CLASP2: variants seen among roughly 807,000 people sequenced by gnomAD.
CLASP2 encodes CLIP-associating protein 2.
Under a neutral mutation model 194.4 loss-of-function variants are expected in CLASP2, and 47 were observed. The ratio of observed to expected loss-of-function variants is 0.24; its 90% CI spans 0.19 to 0.31. The LOEUF is 0.31. Ranked by LOEUF, CLASP2 falls within the 10% of genes least tolerant of loss-of-function variation. CLASP2 has a pLI of 1.00. For missense variants in CLASP2, 1,445 were observed against 1,823.6 expected (o/e 0.79, Z 3.78); for synonymous variants, 619 against 633.5 (o/e 0.98, Z 0.34).
At chr3:33,557,702 A>T (rs929847733) in intron 29 of CLASP2, among the ~76,000 whole-genome samples, 1 of 152,256 alleles carries the variant, frequency 6.6e-6, no homozygotes. Context: ...AAAATGAGTT[A>T]AAAAATATCT....
intron 27 of CLASP2, among the ~76,000 whole-genome samples, chr3:33,561,282 GA>G (rs1474472190): frequency 6.6e-6 from 1 of 152,162 alleles, no homozygotes; most frequent in Non-Finnish European, 1.5e-5. Context: ...TGGGTAAAGT[GA>G]AATCTGTTTT....
intron 22 of CLASP2, among the ~76,000 whole-genome samples, chr3:33,584,515 C>G (rs899081368): frequency 1.3e-5 from 2 of 151,920 alleles, no homozygotes; most frequent in East Asian, 1.9e-4. Flanking sequence ...ATCCACCCCC[C>G]TCAGCCTCCC....
At chr3:33,626,960 G>C in intron 10 of CLASP2, 28 bp downstream of exon 10, 1 of 1,326,534 alleles carries the variant, frequency 7.5e-7, no homozygotes, top group Non-Finnish European at 1.1e-6. Flanking sequence ...AAAGAAAGAA[G>C]ATAAGAAAAT....
chr3:33,506,026 T>C (rs1305871306), intron 37 of CLASP2, among the ~76,000 whole-genome samples: 1 of 152,152 alleles, frequency 6.6e-6, no homozygotes, highest in Non-Finnish European at 1.5e-5. Flanking sequence ...CATTATCCTA[T>C]GTCCTGAAAG....
Position 33,619,227 on chromosome 3 carries a change from T to C in CLASP2, c.1317+376A>G, listed in dbSNP as rs577836947. ...CCACTGTTGTATATGCAGCCCACCA[T>C]TGACGGAAACTTTGTGAGGTGGCAC... On this transcript the variant is annotated intron_variant, in intron 12 of 38. Coordinates refer to ENST00000682230, the MANE Select transcript of CLASP2 (RefSeq NM_001365631.1). Among the ~76,000 whole-genome samples the C allele has an allele frequency of 1.1e-4, 17 of 152,228 alleles. 1 individual carries two copies. The highest frequency in any genetic ancestry group is 8.3e-4 in the South Asian group (4 of 4,830).
At chr3:33,651,045 G>A (rs373481467) in intron 7 of CLASP2, among the ~76,000 whole-genome samples, 1 of 152,040 alleles carries the variant, frequency 6.6e-6, no homozygotes, top group East Asian at 1.9e-4. Context: ...CTGATATGAG[G>A]CTATTTATGT....
At chr3:33,617,117 G>C (rs1195953244) in intron 12 of CLASP2, among the ~76,000 whole-genome samples, 3 of 149,830 alleles carry the variant, frequency 2.0e-5, no homozygotes, top group Non-Finnish European at 4.4e-5. Context: ...GGGAAAAAAG[G>C]ACCATTTTCG....
chr3:33,553,808 T>G (rs1458077377), intron 29 of CLASP2, among the ~76,000 whole-genome samples: 1 of 152,076 alleles, frequency 6.6e-6, no homozygotes, highest in African/African-American at 2.4e-5. Flanking sequence ...CCTCAAAAAA[T>G]TAAAAATAGA....
At chr3:33,594,745 A>G in intron 20 of CLASP2, among the ~76,000 whole-genome samples, 1 of 151,760 alleles carries the variant, frequency 6.6e-6, no homozygotes, top group South Asian at 2.1e-4. Flanking sequence ...CCAAAGTACA[A>G]AGCAAACCAG....
intron 6 of CLASP2, among the ~76,000 whole-genome samples, chr3:33,670,896 A>G: frequency 6.6e-6 from 1 of 152,196 alleles, no homozygotes; most frequent in East Asian, 1.9e-4. Flanking sequence ...AAAAAGAACC[A>G]TTTTGAAATA....
intron 22 of CLASP2, 146 bp downstream of exon 22, chr3:33,584,604 A>G: frequency 2.6e-6 from 2 of 762,392 alleles, no homozygotes; most frequent in East Asian, 2.9e-5. Context: ...CAACTCATAA[A>G]CTATTCTTCA....
chr3:33,532,872 T>G (rs1304179677), intron 34 of CLASP2, among the ~76,000 whole-genome samples: 1 of 152,154 alleles, frequency 6.6e-6, no homozygotes, highest in Non-Finnish European at 1.5e-5. Context: ...TTGATTTTGA[T>G]GAGTATTTTG....
At position 33,592,788 on chromosome 3, in the gene CLASP2, C is replaced by CTTGT. The variant is rs762788919; in HGVS notation, c.1967-296_1967-293dup. 123 of 366,982 alleles carry CTTGT rather than the reference C, an allele frequency of 3.4e-4. 2 individuals are homozygous for CTTGT. Among genetic ancestry groups the CTTGT allele is most frequent in the Non-Finnish European group, 1.5e-4 (30 of 196,948 alleles). 22.7% of individuals were successfully genotyped at this position (366,982 alleles called of 1,614,324 possible). On this transcript the variant is annotated intron_variant, in intron 20 of 38. Transcript: ENST00000682230. ...TAAGATAATCACCATAAGCATGTCA[C>CTTGT]TTGTTTCTCAATTGGTAGTTGCAAT...
At chr3:33,510,509 G>C (rs1389621148) in intron 37 of CLASP2, 49 bp downstream of exon 37, 1 of 1,547,328 alleles carries the variant, frequency 6.5e-7, no homozygotes, top group African/African-American at 1.4e-5. Flanking sequence ...TAAAATAACT[G>C]TATCCCAAAT....
intron 37 of CLASP2, chr3:33,505,329 C>T (rs908795499): frequency 1.3e-5 from 2 of 152,154 alleles, no homozygotes; most frequent in East Asian, 3.9e-4. Context: ...GCAAGCTACA[C>T]CACAAATATG....
chr3:33,652,302 C>T (rs9853831), intron 7 of CLASP2, among the ~76,000 whole-genome samples: 64,460 of 152,026 alleles, frequency 0.42, 13,939 homozygotes, highest in Admixed American at 0.52. Context: ...TTTTACACTT[C>T]TGCATATCCA....
rs2073912147 is a variant in CLASP2 at position 33,606,643 on chromosome 3, C to T, written c.1642G>A (p.Ala548Thr). ...QTYLKSSGSV[A>T]SLPQSDRSSS... ...GACCTGTCTGATTGTGGAAGAGATG[C>T]TACACTGCCAGAACTCTTTAAGTAA... Residue 548 changes from alanine (A) to threonine (T), a missense_variant, in exon 16 of 39, where the codon GCA (alanine) becomes ACA (threonine). Physicochemically the swap from Ala to Thr is moderately conservative, Grantham distance 58. This residue lies in a region of CLASP2 where 174 missense variants were observed against 179.0 expected (regional missense o/e 0.97). Coordinates refer to ENST00000682230, the MANE Select transcript of CLASP2 (RefSeq NM_001365631.1). 1 of 1,613,680 alleles carries T rather than the reference C, an allele frequency of 6.2e-7. No individual in the cohort carries two copies. Among genetic ancestry groups the T allele is most frequent in the African/African-American group, 1.3e-5 (1 of 75,026 alleles).
intron 32 of CLASP2, among the ~76,000 whole-genome samples, chr3:33,541,004 C>T (rs1223097341): frequency 6.6e-6 from 1 of 152,044 alleles, no homozygotes; most frequent in Non-Finnish European, 1.5e-5. Flanking sequence ...AACTCCTGAC[C>T]TCAAGTGATC....
At chr3:33,651,768 C>T (rs1174743858) in intron 7 of CLASP2, among the ~76,000 whole-genome samples, 3 of 151,116 alleles carry the variant, frequency 2.0e-5, no homozygotes, top group African/African-American at 7.3e-5. Flanking sequence ...CAAGCGATTC[C>T]ACTGCTTCAG....
Sources: allele counts gnomAD v4.1 joint callset (sites outside exome capture counted in the v4.1 genomes callset), GRCh38; gene constraint gnomAD v4.1.1; regional missense constraint gnomAD v4.1.1; transcripts MANE v1.5; gene names NCBI Gene and HGNC (gene_info 2026-07-23, HGNC 2026-07-21).